Variants in R3HDM1 observed in about 807,000 individuals in gnomAD.
The protein encoded by R3HDM1 is R3H domain-containing protein 1.
A neutral mutation model predicts 141.1 loss-of-function variants in R3HDM1; 46 were observed. That is an observed-to-expected ratio of 0.33 (90% CI 0.26 to 0.42). R3HDM1 has a LOEUF of 0.42. Among genes scored for constraint, R3HDM1 ranks in the 10% least tolerant of loss-of-function variants. The probability of loss-of-function intolerance (pLI) is 1.00; values close to 1 mark genes in which losing one functional copy is unlikely to be tolerated. For synonymous variants in R3HDM1, 435 were observed against 472.9 expected (o/e 0.92, Z 1.04); for missense variants, 1,184 against 1,368.3 (o/e 0.87, Z 2.12).
intron 19 of R3HDM1, chr2:135,670,138 C>CAAAAAAAAAAAAAAAAAAAAACAA (rs869047478): frequency 2.1e-5 from 2 of 96,494 alleles, no homozygotes; most frequent in African/African-American, 4.7e-5. Context: ...GACTCAGTCT[C>CAAAAAAAAAAAAAAAAAAAAACAA]AAAAAAAAAA....
At chr2:135,710,757 A>C (rs1423120286) in intron 23 of R3HDM1, among the ~76,000 whole-genome samples, 1 of 152,226 alleles carries the variant, frequency 6.6e-6, no homozygotes, top group Non-Finnish European at 1.5e-5. Context: ...ACTAGATCTA[A>C]AATTTGGTGA....
At position 135,724,879 on chromosome 2, in the gene R3HDM1, T is replaced by A. The variant is rs1241581875; in HGVS notation, c.*587T>A. On this transcript the variant is annotated 3_prime_UTR_variant, in exon 27 of 27. Coordinates refer to ENST00000683871, the MANE Select transcript of R3HDM1 (RefSeq NM_001378107.1). ...CTTGTAGGGCCCTTTCCTTATTCAT[T>A]TAGGTAGTGTGAACATTAAGTATAA... The A allele has an allele frequency of 6.6e-6, 1 of 152,652 alleles. No individual in the cohort carries two copies. Among genetic ancestry groups the A allele is most frequent in the African/African-American group, 2.4e-5 (1 of 41,460 alleles). The allele number at this position is 152,652 out of a possible 1,614,324, so 9.5% of individuals were successfully genotyped here.
intron 1 of R3HDM1, among the ~76,000 whole-genome samples, chr2:135,547,844 G>C (rs1699061927): frequency 6.8e-6 from 1 of 146,624 alleles, no homozygotes; most frequent in Admixed American, 7.0e-5. Context: ...CACGATCTCG[G>C]CTCACTGCAA....
chr2:135,590,241 A>T (rs911502855), intron 1 of R3HDM1, among the ~76,000 whole-genome samples: 11 of 152,326 alleles, frequency 7.2e-5, no homozygotes, highest in African/African-American at 2.4e-4. Context: ...CAGAGATCAC[A>T]TACAGTTTTT....
intron 2 of R3HDM1, among the ~76,000 whole-genome samples, chr2:135,604,248 A>AT (rs2059857858): frequency 6.6e-6 from 1 of 152,164 alleles, no homozygotes; most frequent in Non-Finnish European, 1.5e-5. Context: ...TTTCAGGGTA[A>AT]TTTAAGAAAT....
chr2:135,688,699 G>A (rs970426321), intron 21 of R3HDM1, among the ~76,000 whole-genome samples: 1 of 152,186 alleles, frequency 6.6e-6, no homozygotes, highest in African/African-American at 2.4e-5. Flanking sequence ...CACTTTGGGA[G>A]GCCGAGGCGG....
chr2:135,570,063 G>A (rs965541628), intron 1 of R3HDM1, among the ~76,000 whole-genome samples: 3 of 152,092 alleles, frequency 2.0e-5, no homozygotes, highest in Admixed American at 1.3e-4. Context: ...TGATCCATTT[G>A]TTGTTTTCAT....
chr2:135,593,497 C>A (rs1005616063), intron 1 of R3HDM1, among the ~76,000 whole-genome samples: 2 of 152,182 alleles, frequency 1.3e-5, no homozygotes, highest in Non-Finnish European at 2.9e-5. Flanking sequence ...TTTAGAATCT[C>A]ACCAGGTTAT....
At chr2:135,621,013 A>T (rs559048000) in intron 5 of R3HDM1, among the ~76,000 whole-genome samples, 63 of 152,198 alleles carry the variant, frequency 4.1e-4, no homozygotes, top group African/African-American at 1.5e-3. Flanking sequence ...GTTTGTACTT[A>T]ACATTTTTAT....
chr2:135,722,435 TA>T, intron 25 of R3HDM1, 33 bp from the exon 26 acceptor site: 1 of 1,605,930 alleles, frequency 6.2e-7, no homozygotes, highest in Non-Finnish European at 8.5e-7. Context: ...TCAGCATTAT[TA>T]ACGTTGTTTC....
chr2:135,701,129 G>A (rs2074137513), intron 21 of R3HDM1, among the ~76,000 whole-genome samples: 1 of 149,742 alleles, frequency 6.7e-6, no homozygotes, highest in Non-Finnish European at 1.5e-5. Flanking sequence ...TCACGCCTGT[G>A]ATCCCAACAC....
chr2:135,648,955 C>T (rs970855415), intron 16 of R3HDM1: 1 of 151,654 alleles, frequency 6.6e-6, no homozygotes, highest in African/African-American at 2.4e-5. Context: ...TGTTTATCTT[C>T]CTTATATAAA....
chr2:135,719,159 T>C (rs774229168), intron 24 of R3HDM1, among the ~76,000 whole-genome samples: 2 of 148,496 alleles, frequency 1.3e-5, no homozygotes, highest in Non-Finnish European at 3.0e-5. Context: ...AAATAAATAA[T>C]TTAATTAATT....
intron 19 of R3HDM1, among the ~76,000 whole-genome samples, chr2:135,673,787 A>G (rs1159753042): frequency 6.6e-6 from 1 of 152,168 alleles, no homozygotes; most frequent in East Asian, 1.9e-4. Context: ...CTGTTAAGGG[A>G]TTCACTATAA....
chr2:135,647,517 G>A (rs2064602153), intron 16 of R3HDM1, among the ~76,000 whole-genome samples: 1 of 152,080 alleles, frequency 6.6e-6, no homozygotes, highest in Non-Finnish European at 1.5e-5. Flanking sequence ...GAAGATGTAG[G>A]CCACCTAGTT....
intron 1 of R3HDM1, among the ~76,000 whole-genome samples, chr2:135,583,210 CT>C (rs1707192945): frequency 6.6e-6 from 1 of 152,256 alleles, no homozygotes; most frequent in African/African-American, 2.4e-5. Flanking sequence ...CTCTAGTCTT[CT>C]GTAATTTTCC....
rs1202285123 is a variant in R3HDM1 at position 135,706,129 on chromosome 2, G to GA, written c.2460-3287dup. On this transcript the variant is annotated intron_variant, in intron 21 of 26. Transcript: ENST00000683871. The stretch of plus-strand genomic sequence containing the variant: ...GGGTGACAAAGGGAGACTCCATCTC[G>GA]AAAAAAAAAAAAAAAAACTCAGAAG... 4.6e-3 allele frequency among the ~76,000 whole-genome samples: 434 copies of GA among 94,890 alleles called. 1 individual carries two copies. Among genetic ancestry groups the GA allele is most frequent in the Middle Eastern group, 6.7e-3 (1 of 150 alleles). The allele number at this position is 94,890 out of a possible 152,430, so 62.3% of individuals were successfully genotyped here.
At chr2:135,628,870 C>A (rs954233900) in intron 7 of R3HDM1, among the ~76,000 whole-genome samples, 2 of 152,150 alleles carry the variant, frequency 1.3e-5, no homozygotes, top group African/African-American at 4.8e-5. Flanking sequence ...AGGTGACCTG[C>A]CCACCTCAAC....
chr2:135,691,746 T>C (rs1394325205), intron 21 of R3HDM1, among the ~76,000 whole-genome samples: 1 of 151,448 alleles, frequency 6.6e-6, no homozygotes, highest in Non-Finnish European at 1.5e-5. Flanking sequence ...TGAGTCGAGA[T>C]TGTGCCACTG....
Sources: allele counts gnomAD v4.1 joint callset (sites outside exome capture counted in the v4.1 genomes callset), GRCh38; gene constraint gnomAD v4.1.1; transcripts MANE v1.5; gene names NCBI Gene and HGNC (gene_info 2026-07-23, HGNC 2026-07-21).